RCAN2: variants seen among roughly 807,000 people sequenced by gnomAD.
The protein encoded by RCAN2 is regulator of calcineurin 2.
Under a neutral mutation model 23.6 loss-of-function variants are expected in RCAN2, and 9 were observed. That is an observed-to-expected ratio of 0.38 (90% confidence interval 0.23 to 0.67). RCAN2 has a LOEUF of 0.67. Among genes scored for constraint, RCAN2 ranks in the 30% least tolerant of loss-of-function variants. The pLI is 0.51. For missense variants in RCAN2, 273 were observed against 302.3 expected (o/e 0.90, Z 0.72); for synonymous variants, 109 against 115.7 (o/e 0.94, Z 0.37).
chr6:46,474,284 G>C (rs1231002911), intron 1 of RCAN2, among the ~76,000 whole-genome samples: 2 of 151,992 alleles, frequency 1.3e-5, no homozygotes, highest in Non-Finnish European at 2.9e-5. Flanking sequence ...TATACAGAGG[G>C]GAGAGCTTAC....
rs1469720488 is a variant in RCAN2, at chr6:46,485,884, C to A, written c.-3+5289G>T. Reference sequence around the variant, plus strand: ...TACTGACAACAAATAAGTTACCCCCCCAAAAAACAAGCTATTTGTACCAAA... The same window carrying A: ...TACTGACAACAAATAAGTTACCCCCACAAAAAACAAGCTATTTGTACCAAA... On this transcript the variant is annotated intron_variant, in intron 1 of 4. Transcript: ENST00000371374. 3.9e-5 allele frequency among the ~76,000 whole-genome samples: 6 copies of A among 152,090 alleles called. 1 individual carries two copies. Among genetic ancestry groups the A allele is most frequent in the South Asian group, 4.2e-4 (2 of 4,814 alleles).
At chr6:46,261,278 G>A (rs184658362) in intron 2 of RCAN2, among the ~76,000 whole-genome samples, 2 of 152,258 alleles carry the variant, frequency 1.3e-5, no homozygotes, top group South Asian at 2.1e-4. Context: ...GCAGTATAAA[G>A]TTATGTTACT....
chr6:46,419,580 T>C (rs1582186879), intron 2 of RCAN2, among the ~76,000 whole-genome samples: 1 of 152,214 alleles, frequency 6.6e-6, no homozygotes. Flanking sequence ...AATAAATTGT[T>C]CTAAGCAGAT....
chr6:46,437,964 A>T (rs1378716474), intron 2 of RCAN2, among the ~76,000 whole-genome samples: 2 of 152,212 alleles, frequency 1.3e-5, no homozygotes, highest in Non-Finnish European at 2.9e-5. Context: ...TCTCACACTA[A>T]GGAGAAAATT....
At chr6:46,460,370 C>T (rs1051757728) in intron 1 of RCAN2, among the ~76,000 whole-genome samples, 1 of 152,158 alleles carries the variant, frequency 6.6e-6, no homozygotes, top group Non-Finnish European at 1.5e-5. Context: ...CCTGGTTTGT[C>T]TTTTTTAATT....
At chr6:46,301,060 T>G (rs187905980) in intron 2 of RCAN2, among the ~76,000 whole-genome samples, 9 of 152,044 alleles carry the variant, frequency 5.9e-5, no homozygotes, top group Admixed American at 2.0e-4. Context: ...TGTCCCACCA[T>G]GAAAATCTGG....
intron 2 of RCAN2, among the ~76,000 whole-genome samples, chr6:46,437,867 G>T (rs1215959168): frequency 6.6e-6 from 1 of 152,136 alleles, no homozygotes; most frequent in Non-Finnish European, 1.5e-5. Context: ...ATGATGTAAT[G>T]TTGTGAAAGA....
At chr6:46,338,245 A>G (rs184452083) in intron 2 of RCAN2, among the ~76,000 whole-genome samples, 1 of 152,338 alleles carries the variant, frequency 6.6e-6, no homozygotes, top group African/African-American at 2.4e-5. Context: ...GCAGAAGACC[A>G]CAGCCAAAAT....
chr6:46,385,584 C>G (rs1321147471), intron 2 of RCAN2, among the ~76,000 whole-genome samples: 2 of 152,128 alleles, frequency 1.3e-5, no homozygotes, highest in Admixed American at 1.3e-4. Flanking sequence ...GGGCTGGGCA[C>G]AGTGGCTCAT....
At chr6:46,325,292 C>G in intron 2 of RCAN2, 2 of 1,322,534 alleles carry the variant, frequency 1.5e-6, no homozygotes, top group South Asian at 2.8e-5. Context: ...AGACTATGAG[C>G]TGAAAACTAT....
intron 4 of RCAN2, among the ~76,000 whole-genome samples, chr6:46,240,160 G>A (rs1327796875): frequency 6.6e-6 from 1 of 152,058 alleles, no homozygotes; most frequent in Non-Finnish European, 1.5e-5. Context: ...CCATATTAGG[G>A]GCCCAGCCTC....
At chr6:46,338,599 C>T (rs1288761587) in intron 2 of RCAN2, among the ~76,000 whole-genome samples, 3 of 152,160 alleles carry the variant, frequency 2.0e-5, no homozygotes, top group Admixed American at 6.5e-5. Context: ...TATCAGCCTC[C>T]GACTCACTCT....
intron 2 of RCAN2, among the ~76,000 whole-genome samples, chr6:46,309,738 G>C (rs1763192927): frequency 6.6e-6 from 1 of 152,188 alleles, no homozygotes; most frequent in South Asian, 2.1e-4. Flanking sequence ...TGGTCTGTGG[G>C]AAGGGACACC....
At chr6:46,254,534 G>T (rs1421898151) in intron 2 of RCAN2, among the ~76,000 whole-genome samples, 1 of 152,146 alleles carries the variant, frequency 6.6e-6, no homozygotes, top group Non-Finnish European at 1.5e-5. Flanking sequence ...GAGGAGTGAA[G>T]GGCAGAGAAA....
chr6:46,312,378 CACTT>C (rs1041732119), intron 2 of RCAN2, among the ~76,000 whole-genome samples: 1 of 152,162 alleles, frequency 6.6e-6, no homozygotes, highest in East Asian at 1.9e-4. Flanking sequence ...ACTGAATTTC[CACTT>C]ACGAGTTTTT....
intron 4 of RCAN2, among the ~76,000 whole-genome samples, chr6:46,223,702 T>G (rs1326804577): frequency 6.6e-6 from 1 of 152,160 alleles, no homozygotes; most frequent in African/African-American, 2.4e-5. Flanking sequence ...TTCTTTATCT[T>G]TTGAATATGG....
intron 2 of RCAN2, among the ~76,000 whole-genome samples, chr6:46,434,193 T>C (rs1390174891): frequency 6.6e-6 from 1 of 152,234 alleles, no homozygotes; most frequent in Non-Finnish European, 1.5e-5. Flanking sequence ...ATACTGAATA[T>C]TACCACAGTG....
intron 2 of RCAN2, among the ~76,000 whole-genome samples, chr6:46,294,627 C>G (rs756047032): frequency 9.9e-5 from 15 of 151,986 alleles, no homozygotes; most frequent in Non-Finnish European, 2.1e-4. Context: ...TTTAAGATAA[C>G]TTTTAATGAT....
At chr6:46,225,128 C>T (rs2079725204) in intron 4 of RCAN2, among the ~76,000 whole-genome samples, 1 of 152,160 alleles carries the variant, frequency 6.6e-6, no homozygotes, top group African/African-American at 2.4e-5. Context: ...TTTTTTATGG[C>T]TGCATAGTAT....
Sources: gnomAD v4.1 joint callset for allele counts (sites outside exome capture counted in the v4.1 genomes callset) on GRCh38, gnomAD v4.1.1 for gene constraint, MANE v1.5 for transcripts, NCBI Gene and HGNC (gene_info 2026-07-23, HGNC 2026-07-21) for gene names.